MDGA2: variants seen among roughly 807,000 people sequenced by gnomAD.
The protein encoded by MDGA2 is MAM domain containing glycosylphosphatidylinositol anchor 2, also known as MAM domain-containing glycosylphosphatidylinositol anchor protein 2.
A neutral mutation model predicts 117.8 loss-of-function variants in MDGA2; 40 were observed. The observed-to-expected ratio is 0.34, with a 90% CI of 0.26 to 0.44. MDGA2 has a LOEUF of 0.44. Ranked by LOEUF, MDGA2 falls within the 20% of genes least tolerant of loss-of-function variation. The probability of loss-of-function intolerance (pLI) is 1.00; values close to 1 mark genes in which losing one functional copy is unlikely to be tolerated. For missense variants in MDGA2, 1,123 were observed against 1,250.6 expected, an observed-to-expected ratio of 0.90 and a Z score of 1.54; for synonymous variants, 452 against 439.0, an observed-to-expected ratio of 1.03 and a Z score of -0.37.
At chr14:46,998,627 T>C (rs1050340340) in intron 8 of MDGA2, among the ~76,000 whole-genome samples, 1 of 152,136 alleles carries the variant, frequency 6.6e-6, no homozygotes, top group African/African-American at 2.4e-5. Flanking sequence ...CAAAATTCTT[T>C]TTAGTATAGC....
intron 2 of MDGA2, among the ~76,000 whole-genome samples, chr14:47,270,780 G>GTT: frequency 6.6e-6 from 1 of 151,174 alleles, no homozygotes; most frequent in Non-Finnish European, 1.5e-5. Flanking sequence ...TGCACTGTTT[G>GTT]TGTGTGTGTG....
intron 3 of MDGA2, among the ~76,000 whole-genome samples, chr14:47,149,188 G>A (rs1381426863): frequency 1.3e-5 from 2 of 152,108 alleles, no homozygotes; most frequent in South Asian, 2.1e-4. Context: ...TAGTCAGGAC[G>A]CTGAGGCAGG....
chr14:47,634,113 A>G (rs1400541514), intron 1 of MDGA2, among the ~76,000 whole-genome samples: 1 of 152,146 alleles, frequency 6.6e-6, no homozygotes, highest in Non-Finnish European at 1.5e-5. Context: ...TCCTCTCTCA[A>G]GGAATTCACC....
At chr14:47,226,839 T>A (rs1466685491) in intron 2 of MDGA2, among the ~76,000 whole-genome samples, 1 of 152,082 alleles carries the variant, frequency 6.6e-6, no homozygotes, top group Non-Finnish European at 1.5e-5. Flanking sequence ...AAGAAAAATT[T>A]TCCTCCCCAT....
intron 1 of MDGA2, among the ~76,000 whole-genome samples, chr14:47,542,092 G>C (rs1594908348): frequency 6.6e-6 from 1 of 152,122 alleles, no homozygotes; most frequent in African/African-American, 2.4e-5. Context: ...AAAAGAGAAA[G>C]ACACAAAGAT....
chr14:46,942,844 C>A (rs950856794), intron 9 of MDGA2, among the ~76,000 whole-genome samples: 7 of 152,050 alleles, frequency 4.6e-5, no homozygotes, highest in African/African-American at 1.7e-4. Context: ...ACAAATGAAG[C>A]TGATATTAAA....
At chr14:46,889,984 C>T (rs1882819316) in intron 10 of MDGA2, among the ~76,000 whole-genome samples, 1 of 152,090 alleles carries the variant, frequency 6.6e-6, no homozygotes, top group African/African-American at 2.4e-5. Flanking sequence ...ATAGGACCCA[C>T]TCTATTGTTC....
chr14:47,307,867 T>C (rs1256797830), intron 1 of MDGA2, among the ~76,000 whole-genome samples: 1 of 152,036 alleles, frequency 6.6e-6, no homozygotes, highest in Non-Finnish European at 1.5e-5. Context: ...TAGGAGAGCA[T>C]GTAGAGTGAG....
intron 1 of MDGA2, among the ~76,000 whole-genome samples, chr14:47,604,487 A>ACCCCCCCCCCCCCCCCCCC (rs60602833): frequency 4.3e-5 from 4 of 92,052 alleles, no homozygotes; most frequent in South Asian, 4.9e-4. Context: ...CAGCTTCCCC[A>ACCCCCCCCCCCCCCCCCCC]CCCCCCCCCA....
At chr14:47,243,364 A>G (rs546298592) in intron 2 of MDGA2, among the ~76,000 whole-genome samples, 3 of 151,716 alleles carry the variant, frequency 2.0e-5, no homozygotes, top group Non-Finnish European at 4.4e-5. Context: ...AGATAAGAGA[A>G]TAAAAGCAGG....
At chr14:47,628,973 G>T (rs1181218246) in intron 1 of MDGA2, among the ~76,000 whole-genome samples, 1 of 152,186 alleles carries the variant, frequency 6.6e-6, no homozygotes, top group Non-Finnish European at 1.5e-5. Context: ...AGTACACAGA[G>T]GCTGTCACAG....
chr14:47,177,783 TA>T, intron 3 of MDGA2, among the ~76,000 whole-genome samples: 1 of 152,230 alleles, frequency 6.6e-6, no homozygotes, highest in Middle Eastern at 3.4e-3. Flanking sequence ...ACATGTACCC[TA>T]AAACTTAAAG....
At chr14:47,457,792 C>A (rs184142714) in intron 1 of MDGA2, among the ~76,000 whole-genome samples, 1 of 146,874 alleles carries the variant, frequency 6.8e-6, no homozygotes, top group Non-Finnish European at 1.5e-5. Context: ...CCTTCTCAGG[C>A]CACAGAGTCA....
At chr14:47,613,501 ACACACG>A (rs1235349933) in intron 1 of MDGA2, among the ~76,000 whole-genome samples, 1 of 151,612 alleles carries the variant, frequency 6.6e-6, no homozygotes, top group Non-Finnish European at 1.5e-5. Flanking sequence ...ACACACACAC[ACACACG>A]CACACGCACA....
chr14:46,857,831 C>CT (rs1190302851), intron 14 of MDGA2, among the ~76,000 whole-genome samples: 1 of 151,714 alleles, frequency 6.6e-6, no homozygotes, highest in Non-Finnish European at 1.5e-5. Context: ...ATTTATTTAT[C>CT]TTTTTTTATG....
chr14:47,041,211 C>T (rs186768884), intron 7 of MDGA2, among the ~76,000 whole-genome samples: 1 of 151,992 alleles, frequency 6.6e-6, no homozygotes, highest in East Asian at 1.9e-4. Flanking sequence ...AAGACTCTTC[C>T]AGTTCTCTTT....
intron 10 of MDGA2, among the ~76,000 whole-genome samples, chr14:46,891,655 G>GACTT (rs1331758423): frequency 6.6e-6 from 1 of 151,284 alleles, no homozygotes; most frequent in African/African-American, 2.4e-5. Context: ...TAATGAATAG[G>GACTT]ACTTAAGAAG....
At chr14:47,200,806 C>A in intron 3 of MDGA2, 1 of 803,582 alleles carries the variant, frequency 1.2e-6, no homozygotes, top group Non-Finnish European at 2.2e-6. Context: ...GCTTCAAACG[C>A]ACGACCTTCA....
In MDGA2 at chr14:47,229,285, C is replaced by A. The variant is rs114028505; in HGVS notation, c.421-11090G>T. Among the ~76,000 whole-genome samples the A allele has an allele frequency of 2.4e-3, 360 of 152,124 alleles. 2 individuals are homozygous for A. Among genetic ancestry groups the A allele is most frequent in the African/African-American group, 8.4e-3 (347 of 41,506 alleles). On this transcript the variant is annotated intron_variant, in intron 2 of 16. Coordinates refer to ENST00000399232, the MANE Select transcript of MDGA2 (RefSeq NM_001113498.3). ...AAATTCAAGTGTGATAGCTGGGAAT[C>A]CAGGATCCAATTTAAATTGTGGGCC... is the stretch of plus-strand genomic sequence containing the variant.
Sources: allele counts gnomAD v4.1 joint callset (sites outside exome capture counted in the v4.1 genomes callset), GRCh38; gene constraint gnomAD v4.1.1; transcripts MANE v1.5; gene names NCBI Gene and HGNC (gene_info 2026-07-23, HGNC 2026-07-21).